The following FARP1 variants were observed in gnomAD, a reference collection of about 807,000 sequenced individuals.
FARP1 encodes FERM, ARH/RhoGEF and pleckstrin domain protein 1.
In FARP1, 52 loss-of-function variants were observed where a neutral mutation model predicts 128.8. The ratio of observed to expected loss-of-function variants is 0.40; its 90% CI spans 0.32 to 0.51. FARP1 has a LOEUF of 0.51. FARP1 is among the 20% of genes least tolerant of loss of function. FARP1 has a pLI of 0.45. For synonymous variants in FARP1, 580 were observed against 551.8 expected, an observed-to-expected ratio of 1.05 and a Z score of -0.72; for missense variants, 1,333 against 1,367.9, an observed-to-expected ratio of 0.97 and a Z score of 0.40.
intron 13 of FARP1, chr13:98,398,367 G>A (rs1390952446): frequency 6.6e-6 from 1 of 152,096 alleles, no homozygotes; most frequent in African/African-American, 2.4e-5. Context: ...AAACTGGAAG[G>A]GACCTCAGAG....
chr13:98,371,524 C>T (rs756510956), intron 5 of FARP1, among the ~76,000 whole-genome samples: 6 of 151,930 alleles, frequency 3.9e-5, no homozygotes, highest in Non-Finnish European at 8.8e-5. Context: ...GTTCTTTTGG[C>T]TCATTGTTGA....
chr13:98,429,213 C>T (rs1295418214), intron 17 of FARP1, among the ~76,000 whole-genome samples: 1 of 152,180 alleles, frequency 6.6e-6, no homozygotes, highest in Non-Finnish European at 1.5e-5. Context: ...TGCAGGAGTA[C>T]AGAGCAGGGC....
chr13:98,145,493 C>T (rs1875463084), intron 1 of FARP1, among the ~76,000 whole-genome samples: 2 of 152,202 alleles, frequency 1.3e-5, no homozygotes. Flanking sequence ...AAGTTTCTTA[C>T]TGGGTTATTG....
intron 2 of FARP1, among the ~76,000 whole-genome samples, chr13:98,223,914 G>A (rs1881583446): frequency 6.6e-6 from 1 of 152,190 alleles, no homozygotes; most frequent in African/African-American, 2.4e-5. Flanking sequence ...TTAGAAAGGA[G>A]CAGGTCAGTT....
chr13:98,377,019 A>T (rs9584824), intron 5 of FARP1, among the ~76,000 whole-genome samples: 48,301 of 151,860 alleles, frequency 0.32, 8,133 homozygotes, highest in African/African-American at 0.44. Flanking sequence ...AAGAAAAGAA[A>T]TGAATGGGTG....
chr13:98,407,942 A>G (rs1891042762), intron 13 of FARP1, among the ~76,000 whole-genome samples: 1 of 152,194 alleles, frequency 6.6e-6, no homozygotes, highest in African/African-American at 2.4e-5. Context: ...AGAGGGTGAG[A>G]ACAGATGACA....
chr13:98,252,266 G>A (rs564240182), intron 2 of FARP1, among the ~76,000 whole-genome samples: 10 of 152,138 alleles, frequency 6.6e-5, no homozygotes, highest in Non-Finnish European at 1.3e-4. Flanking sequence ...CATTTTGACT[G>A]TTCAGACTTC....
chr13:98,355,659 C>A lies in FARP1; in HGVS notation c.277-9736C>A, dbSNP rs914358466. Reference sequence around the variant, plus strand: ...TTCCCTAAAGTGTTAATGATGATCTCCTAATGGTGAAAAACATATTTTTAA... The same window carrying A: ...TTCCCTAAAGTGTTAATGATGATCTACTAATGGTGAAAAACATATTTTTAA... On this transcript the variant is annotated intron_variant, in intron 3 of 26. Coordinates refer to ENST00000319562, the MANE Select transcript of FARP1 (RefSeq NM_005766.4). 2.0e-5 allele frequency among the ~76,000 whole-genome samples: 3 copies of A among 152,144 alleles called. No homozygotes were observed. The South Asian group carries it at 6.2e-4, about 31-fold the overall frequency.
At chr13:98,177,646 C>G (rs1247362806) in intron 1 of FARP1, among the ~76,000 whole-genome samples, 1 of 130,828 alleles carries the variant, frequency 7.6e-6, no homozygotes, top group South Asian at 2.7e-4. Context: ...GACCCTGTCT[C>G]AAATTAAAAA....
chr13:98,292,716 G>A (rs1197382571), intron 2 of FARP1, among the ~76,000 whole-genome samples: 2 of 152,214 alleles, frequency 1.3e-5, no homozygotes, highest in Admixed American at 1.3e-4. Flanking sequence ...TATCATACAT[G>A]TCACTCATTG....
chr13:98,232,140 GGTTGGTTTT>G (rs1360510369), intron 2 of FARP1, among the ~76,000 whole-genome samples: 3 of 92,194 alleles, frequency 3.3e-5, no homozygotes, highest in Non-Finnish European at 4.6e-5. Flanking sequence ...TTTTTTGTTT[GGTTGGTTTT>G]TTTTTTTTTT....
At chr13:98,323,753 G>T (rs1330787997) in intron 2 of FARP1, among the ~76,000 whole-genome samples, 1 of 152,090 alleles carries the variant, frequency 6.6e-6, no homozygotes, top group East Asian at 1.9e-4. Context: ...TTTGCTACTT[G>T]ATAAGAAAAA....
intron 20 of FARP1, 36 bp from the exon 21 acceptor site, chr13:98,439,071 C>A (rs773262654): frequency 6.4e-7 from 1 of 1,556,820 alleles, no homozygotes; most frequent in Non-Finnish European, 8.8e-7. Flanking sequence ...GCTGTCCAAA[C>A]GTGGTCTCAC....
rs371566428 is a variant in FARP1, at chr13:98,410,847, G to T, written c.1692+24G>T. ...CGGTATGTGCAGTATTTCCCCAAAA[G>T]CATTCGATTACATGATTTATCTCAG... On this transcript the variant is annotated intron_variant, in intron 15 of 26. Transcript: ENST00000319562. 869 of 1,241,680 alleles carry T rather than the reference G, an allele frequency of 7.0e-4. 1 individual carries two copies. The highest frequency in any genetic ancestry group is 9.6e-4 in the Non-Finnish European group (819 of 851,850). 76.9% of individuals were successfully genotyped at this position (1,241,680 alleles called of 1,614,324 possible).
intron 2 of FARP1, among the ~76,000 whole-genome samples, chr13:98,281,892 C>A (rs1884953498): frequency 6.6e-6 from 1 of 152,202 alleles, no homozygotes; most frequent in South Asian, 2.1e-4. Context: ...GCCTCAACTT[C>A]TTTTAAGGCA....
intron 12 of FARP1, 60 bp from the exon 13 acceptor site, chr13:98,395,167 C>T (rs2140070952): frequency 6.6e-7 from 1 of 1,513,658 alleles, no homozygotes; most frequent in Non-Finnish European, 8.9e-7. Flanking sequence ...TGTTTTCAGC[C>T]TTGGAATAAC....
chr13:98,392,082 C>T (rs1248424067), intron 11 of FARP1, among the ~76,000 whole-genome samples: 4 of 151,832 alleles, frequency 2.6e-5, no homozygotes, highest in Non-Finnish European at 4.4e-5. Flanking sequence ...TGGTAAAACC[C>T]CCTTGAACCA....
At chr13:98,145,559 T>TTGTTTGGA (rs11282280) in intron 1 of FARP1, among the ~76,000 whole-genome samples, 39,856 of 151,992 alleles carry the variant, frequency 0.26, 6,320 homozygotes, top group Non-Finnish European at 0.35. Context: ...CGTTTTTGTT[T>TTGTTTGGA]CACTTTTCGT....
rs1443652238 is a variant in FARP1 at position 98,454,978 on chromosome 13, C to T, written c.*6661C>T. The T allele has an allele frequency of 6.6e-6, 1 of 152,232 alleles. No individual in the cohort carries two copies. Among genetic ancestry groups the T allele is most frequent in the Non-Finnish European group, 1.5e-5 (1 of 68,064 alleles). 9.4% of individuals were successfully genotyped at this position (152,232 alleles called of 1,614,324 possible). A position where few individuals can be genotyped will look rare whatever the true frequency, so the allele number is the denominator to read the frequency against. The stretch of plus-strand genomic sequence containing the variant: ...AACACAGACATCAGGTAGCTACAGA[C>T]CCGCCCGAGGGTAAATAGGGTCAAC... On this transcript the variant is annotated 3_prime_UTR_variant, in exon 27 of 27. Coordinates refer to ENST00000319562, the MANE Select transcript of FARP1 (RefSeq NM_005766.4).
Sources: allele counts gnomAD v4.1 joint callset (sites outside exome capture counted in the v4.1 genomes callset), GRCh38; gene constraint gnomAD v4.1.1; transcripts MANE v1.5; gene names NCBI Gene and HGNC (gene_info 2026-07-23, HGNC 2026-07-21).